Variants in SCAPER observed in about 807,000 individuals in gnomAD.
SCAPER encodes S phase cyclin A-associated protein in the endoplasmic reticulum.
SCAPER carries 98 observed loss-of-function variants against 182.2 expected under a neutral mutation model. The observed-to-expected ratio is 0.54, with a 90% CI of 0.46 to 0.64. SCAPER has a LOEUF of 0.64. SCAPER is among the 30% of genes least tolerant of loss of function. The probability of loss-of-function intolerance (pLI) is 0.00; values close to 1 mark genes in which losing one functional copy is unlikely to be tolerated. For missense variants in SCAPER, 1,432 were observed against 1,690.0 expected (o/e 0.85, Z 2.68); for synonymous variants, 605 against 564.6 (o/e 1.07, Z -1.01).
chr15:76,834,562 G>A (rs1462823504), intron 5 of SCAPER, among the ~76,000 whole-genome samples: 2 of 152,114 alleles, frequency 1.3e-5, no homozygotes, highest in Non-Finnish European at 2.9e-5. Flanking sequence ...ATAAGGAAGA[G>A]CTGAACTGAA....
chr15:76,751,117 A>G (rs2062061235), intron 15 of SCAPER, among the ~76,000 whole-genome samples: 1 of 151,852 alleles, frequency 6.6e-6, no homozygotes, highest in Non-Finnish European at 1.5e-5. Context: ...GGAGATCATG[A>G]AAACAACTCC....
At position 76,765,081 on chromosome 15, in the gene SCAPER, A is replaced by G; in HGVS notation, c.1614-9T>C. 6.6e-7 allele frequency: 1 copy of G among 1,516,846 alleles called. No homozygotes were observed. The highest frequency in any genetic ancestry group is 9.0e-7 in the Non-Finnish European group (1 of 1,114,838). The allele number at this position is 1,516,846 out of a possible 1,614,324, so 94.0% of individuals were successfully genotyped here. ...TAGATTCTGCAATTGTTCTATTAAT[A>G]CAAACAAATGGACAAGAGACATGAA... On this transcript the variant is annotated splice_polypyrimidine_tract_variant and intron_variant, in intron 13 of 31. Transcript: ENST00000563290.
intron 22 of SCAPER, among the ~76,000 whole-genome samples, chr15:76,613,727 A>G (rs1271506340): frequency 6.6e-6 from 1 of 152,244 alleles, no homozygotes; most frequent in African/African-American, 2.4e-5. Context: ...CATACCAGTT[A>G]AAATGGCTAC....
chr15:76,545,034 C>T (rs564059482), intron 23 of SCAPER, among the ~76,000 whole-genome samples: 1 of 152,292 alleles, frequency 6.6e-6, no homozygotes, highest in Admixed American at 6.5e-5. Context: ...ATGATAAATA[C>T]TTGGCTTCTT....
chr15:76,812,497 A>AAGAAG (rs1555616451), intron 5 of SCAPER, among the ~76,000 whole-genome samples: 10 of 122,486 alleles, frequency 8.2e-5, no homozygotes, highest in South Asian at 5.5e-4. Context: ...AAAAAAAAAA[A>AAGAAG]AAAGAAAGAA....
chr15:76,504,805 G>T, intron 24 of SCAPER, 54 bp downstream of exon 24: 2 of 1,403,628 alleles, frequency 1.4e-6, no homozygotes, highest in Non-Finnish European at 1.9e-6. Context: ...AAACCATAGG[G>T]CAGAAATGAC....
chr15:76,684,504 TTAAA>T (rs985862602), intron 20 of SCAPER, among the ~76,000 whole-genome samples: 7 of 151,590 alleles, frequency 4.6e-5, no homozygotes, highest in African/African-American at 1.7e-4. Flanking sequence ...AATTTAAAAA[TTAAA>T]TAAATTTTAA....
chr15:76,650,337 C>T (rs2054921189), intron 21 of SCAPER, among the ~76,000 whole-genome samples: 1 of 150,974 alleles, frequency 6.6e-6, no homozygotes, highest in Non-Finnish European at 1.5e-5. Flanking sequence ...AGATACTATG[C>T]AAAAAACAAA....
chr15:76,621,019 AT>A lies in SCAPER; in HGVS notation c.2711+744del, dbSNP rs2051992057. Among the ~76,000 whole-genome samples the A allele has an allele frequency of 2.0e-5, 3 of 152,278 alleles. No individual in the cohort carries two copies. In the South Asian group the frequency reaches 6.2e-4, roughly 32 times the overall value. On this transcript the variant is annotated intron_variant, in intron 22 of 31. Transcript: ENST00000563290. The stretch of plus-strand genomic sequence containing the variant: ...CTGCAGAACTTAAAATTAAAAAAAA[AT>A]TTTTAAAAGAGTCATCTATGTATAT...
chr15:76,713,178 G>A (rs1432887637), intron 17 of SCAPER, among the ~76,000 whole-genome samples: 3 of 152,112 alleles, frequency 2.0e-5, no homozygotes, highest in Non-Finnish European at 4.4e-5. Context: ...TACACTGTTG[G>A]TGGGACTGTA....
chr15:76,588,284 G>A (rs2048836128), intron 22 of SCAPER, among the ~76,000 whole-genome samples: 1 of 152,108 alleles, frequency 6.6e-6, no homozygotes, highest in African/African-American at 2.4e-5. Context: ...CCAGTGTTAG[G>A]TGCATATATG....
At chr15:76,399,953 C>T (rs1001550843) in intron 27 of SCAPER, among the ~76,000 whole-genome samples, 7 of 149,454 alleles carry the variant, frequency 4.7e-5, no homozygotes, top group African/African-American at 9.9e-5. Flanking sequence ...TACAGTGAGC[C>T]GAGATGGCGC....
At chr15:76,610,948 C>T (rs924093186) in intron 22 of SCAPER, among the ~76,000 whole-genome samples, 5 of 152,008 alleles carry the variant, frequency 3.3e-5, no homozygotes, top group Non-Finnish European at 5.9e-5. Context: ...AACAATACTC[C>T]CCAAATAGTT....
rs192538850 is a variant in SCAPER at position 76,811,782 on chromosome 15, C to T, written c.394-7149G>A. On this transcript the variant is annotated intron_variant, in intron 5 of 31. Transcript: ENST00000563290. ...CAGCCTGGGCAACAAGAGTGAAACT[C>T]TGCCTCAAAAAATAAAAAATAAAAA... 8.6e-5 allele frequency among the ~76,000 whole-genome samples: 13 copies of T among 150,334 alleles called. No individual in the cohort carries two copies. In the East Asian group the frequency reaches 2.1e-3, roughly 25 times the overall value.
chr15:76,535,566 T>C (rs915531671), intron 23 of SCAPER, among the ~76,000 whole-genome samples: 9 of 151,334 alleles, frequency 5.9e-5, no homozygotes, highest in African/African-American at 2.2e-4. Context: ...AATTTTAATC[T>C]TTTCTGTAAA....
chr15:76,780,494 G>A (rs768631722), intron 8 of SCAPER, among the ~76,000 whole-genome samples: 8 of 152,216 alleles, frequency 5.3e-5, no homozygotes, highest in African/African-American at 4.8e-5. Flanking sequence ...AGACTTAGAC[G>A]TCCAGGTTTG....
chr15:76,524,689 GTTTTT>G (rs35944222), intron 23 of SCAPER, among the ~76,000 whole-genome samples: 9 of 50,118 alleles, frequency 1.8e-4, no homozygotes, highest in African/African-American at 7.4e-4. Context: ...TTTTTGTTCT[GTTTTT>G]TTTTTTTTTT....
intron 2 of SCAPER, among the ~76,000 whole-genome samples, chr15:76,877,808 AG>A (rs1345189935): frequency 1.3e-5 from 2 of 152,234 alleles, no homozygotes; most frequent in Non-Finnish European, 2.9e-5. Flanking sequence ...AAATGGATCA[AG>A]AAGAAAATAA....
chr15:76,767,943 T>G (rs1426436932), intron 10 of SCAPER, among the ~76,000 whole-genome samples: 1 of 151,942 alleles, frequency 6.6e-6, no homozygotes, highest in Non-Finnish European at 1.5e-5. Flanking sequence ...CAGATTTCAG[T>G]GCAAAAAATA....
Sources: allele counts gnomAD v4.1 joint callset (sites outside exome capture counted in the v4.1 genomes callset), GRCh38; gene constraint gnomAD v4.1.1; transcripts MANE v1.5; gene names NCBI Gene and HGNC (gene_info 2026-07-23, HGNC 2026-07-21).